Variants in ALPG observed in about 807,000 individuals in gnomAD.
ALPG encodes the protein alkaline phosphatase, germ cell type.
ALPG carries 32 observed loss-of-function variants against 48.6 expected under a neutral mutation model. The ratio of observed to expected loss-of-function variants is 0.66; its 90% CI spans 0.50 to 0.88. The LOEUF (loss-of-function observed/expected upper bound fraction) is 0.88, where lower values mean the gene tolerates loss of function less well. Ranked by LOEUF, ALPG falls within the 40% of genes least tolerant of loss-of-function variation. The probability of loss-of-function intolerance (pLI) is 0.00; values close to 1 mark genes in which losing one functional copy is unlikely to be tolerated. For synonymous variants in ALPG, 244 were observed against 308.9 expected, an observed-to-expected ratio of 0.79 and a Z score of 2.20; for missense variants, 533 against 718.1, an observed-to-expected ratio of 0.74 and a Z score of 2.95.
In ALPG at chr2:232,407,659, C is replaced by A; in HGVS notation, c.366C>A (p.Val122=). 6.2e-7 allele frequency: 1 copy of A among 1,613,960 alleles called. No individual in the cohort carries two copies. The part of the protein sequence containing the change: ...GATATAYLCG[V]KGNFQTIGLS... ...CAGCCACGGCCTACCTGTGCGGGGT[C>A]AAGGGCAACTTCCAGACCATTGGCT... Residue 122 remains valine (V), a synonymous_variant, in exon 4 of 11, where the codon GTC becomes GTA. Transcript: ENST00000295453.
chr2:232,408,415 GTGGGTGTGCT>G lies in ALPG; in HGVS notation c.783+15_783+24del. ...GCGAAGCACCAGGTGATGGGGGCTGGTGGGTGTGCTGGGCACAGCAGGGGGAGGGCAGAGG... is the reference window on the plus strand; with the variant it reads ...GCGAAGCACCAGGTGATGGGGGCTGGGGGCACAGCAGGGGGAGGGCAGAGG... On this transcript the variant is annotated intron_variant, in intron 6 of 10. Coordinates refer to ENST00000295453, the MANE Select transcript of ALPG (RefSeq NM_031313.3). The G allele has an allele frequency of 6.7e-7, 1 of 1,487,156 alleles. No individual in the cohort carries two copies. Among genetic ancestry groups the G allele is most frequent in the Non-Finnish European group, 9.3e-7 (1 of 1,079,938 alleles). The allele number at this position is 1,487,156 out of a possible 1,614,324, so 92.1% of individuals were successfully genotyped here. A position where few individuals can be genotyped will look rare whatever the true frequency, so the allele number is the denominator to read the frequency against.
intron 5 of ALPG, 22 bp from the exon 6 acceptor site, chr2:232,408,245 C>T: frequency 6.2e-7 from 1 of 1,613,032 alleles, no homozygotes. Context: ...CCAAATCCAC[C>T]TGCCCCATCC....
chr2:232,409,685 T>A lies in ALPG; in HGVS notation c.1412T>A (p.Val471Glu), dbSNP rs373170842. ...RGPQAHLVHG[V>E]QEQTFIAHVM... The stretch of plus-strand genomic sequence containing the variant: ...CCGCAGGCGCACCTGGTTCACGGCG[T>A]GCAGGAGCAGACCTTCATAGCGCAC... Residue 471 changes from valine to glutamate, a missense_variant, in exon 11 of 11, where the codon GTG becomes GAG. Transcript: ENST00000295453. The A allele has an allele frequency of 1.5e-4, 235 of 1,611,578 alleles. No individual in the cohort carries two copies. Among genetic ancestry groups the A allele is most frequent in the Non-Finnish European group, 1.9e-4 (229 of 1,179,248 alleles).
chr2:232,408,169 C>T, intron 5 of ALPG, 98 bp from the exon 6 acceptor site: 1 of 1,581,498 alleles, frequency 6.3e-7, no homozygotes, highest in Non-Finnish European at 8.6e-7. Flanking sequence ...CTGGGCCATT[C>T]CCACAGCCTT....
rs1559247816 is a variant in ALPG, at chr2:232,407,978, G to A, written c.609G>A (p.Gln203=). 1.9e-6 allele frequency: 3 copies of A among 1,612,984 alleles called. No homozygotes were observed. The highest frequency in any genetic ancestry group is 1.3e-5 in the African/African-American group (1 of 75,052). ...VPASARQEGC[Q]DIATQLISNM... is the part of the protein sequence containing the mutation. ...CCTCGGCCCGCCAGGAGGGGTGCCA[G>A]GACATCGCCACGCAGCTCATCTCCA... Residue 203 remains glutamine, a synonymous_variant, in exon 5 of 11, where the codon CAG becomes CAA. Transcript: ENST00000295453.
In ALPG at chr2:232,408,241, C is replaced by A. The variant is rs377074419; in HGVS notation, c.649-26C>A. ...CACGGGGCCAGCCAGGCCCCCAAAT[C>A]CACCTGCCCCATCCTCTGTTCCCAG... On this transcript the variant is annotated intron_variant, in intron 5 of 10. Coordinates refer to ENST00000295453, the MANE Select transcript of ALPG (RefSeq NM_031313.3). 667 of 1,612,238 alleles carry A rather than the reference C, an allele frequency of 4.1e-4. 7 individuals carry two copies. The African/African-American group carries it at 7.4e-3, about 18-fold the overall frequency.
rs1365880196 is a variant in ALPG at position 232,408,965 on chromosome 2, G to C, written c.1036G>C (p.Ala346Pro). The change falls in exon 9 of 11, where the codon GCA becomes CCA. Residue 346 changes from alanine (A) to proline (P), a missense_variant. By Grantham distance (27) the Ala-to-Pro change is conservative. Coordinates refer to ENST00000295453, the MANE Select transcript of ALPG (RefSeq NM_031313.3). The stretch of plus-strand genomic sequence containing the variant: ...TCATCATGAAAGCAGGGCTTACCGG[G>C]CACTGACTGAGACGATCATGTTCGA... ...HGHHESRAYR[A>P]LTETIMFDDA... The C allele has an allele frequency of 1.0e-6, 1 of 990,006 alleles. No homozygotes were observed. Among genetic ancestry groups the C allele is most frequent in the Non-Finnish European group, 1.5e-6 (1 of 683,018 alleles). The allele number at this position is 990,006 out of a possible 1,614,324, so 61.3% of individuals were successfully genotyped here.
Position 232,409,707 on chromosome 2 carries a change from G to T in ALPG, c.1434G>T (p.Ala478=). 2.5e-6 allele frequency: 4 copies of T among 1,611,130 alleles called. 1 individual carries two copies. In the South Asian group the frequency reaches 4.4e-5, roughly 18 times the overall value. Residue 478 remains alanine (A), a synonymous_variant, in exon 11 of 11, where the codon GCG becomes GCT. Coordinates refer to ENST00000295453, the MANE Select transcript of ALPG (RefSeq NM_031313.3). ...GCGTGCAGGAGCAGACCTTCATAGC[G>T]CACGTCATGGCCTTCGCCGCCTGCC... ...VHGVQEQTFI[A]HVMAFAACLE...
chr2:232,407,804 G>T, intron 4 of ALPG, 36 bp downstream of exon 4: 1 of 1,613,732 alleles, frequency 6.2e-7, no homozygotes, highest in Non-Finnish European at 8.5e-7. Flanking sequence ...AGGGCCAGGT[G>T]ACAGACCTCT....
Position 232,406,910 on chromosome 2 carries a change from GT to G in ALPG, c.17del (p.Val6GlyfsTer7), listed in dbSNP as rs775001703. 6.2e-7 allele frequency: 1 copy of G among 1,612,684 alleles called. No individual in the cohort carries two copies. The part of the protein sequence containing the change: MQGPW[V>X]LLLLGLRLQL... ...GCTTCCAGACATGCAGGGGCCCTGG[GT>G]GCTGCTCCTGCTGGGCCTGAGGCTA... On this transcript the variant is annotated frameshift_variant, in exon 1 of 11. Transcript: ENST00000295453. LOFTEE classifies it high-confidence loss of function.
In ALPG at chr2:232,409,984, A is replaced by C. The variant is rs1287749646; in HGVS notation, c.*112A>C. 13 of 1,419,338 alleles carry C rather than the reference A, an allele frequency of 9.2e-6. No homozygotes were observed. Among genetic ancestry groups the C allele is most frequent in the Non-Finnish European group, 1.2e-5 (13 of 1,081,242 alleles). 87.9% of individuals were successfully genotyped at this position (1,419,338 alleles called of 1,614,324 possible). A position where few individuals can be genotyped will look rare whatever the true frequency, so the allele number is the denominator to read the frequency against. On this transcript the variant is annotated 3_prime_UTR_variant, in exon 11 of 11. Coordinates refer to ENST00000295453, the MANE Select transcript of ALPG (RefSeq NM_031313.3). Reference sequence around the variant, plus strand: ...GCTGTCACCCCCGGAGTCGCCACACAGACGTCCTGCCATGGAACCTTCCCC... The same window carrying C: ...GCTGTCACCCCCGGAGTCGCCACACCGACGTCCTGCCATGGAACCTTCCCC...
chr2:232,409,840 T>C lies in ALPG; in HGVS notation c.1567T>C (p.Leu523=), dbSNP rs397839862. The part of the protein sequence containing the change: ...PALLPLLAGT[L]LLLGTATAP The stretch of plus-strand genomic sequence containing the variant: ...GTTGCTTCCTCTGCTGGCAGGGACC[T>C]TGCTGCTGCTGGGGACGGCCACTGC... The change falls in exon 11 of 11, where the codon TTG becomes CTG. Residue 523 remains leucine (L), a synonymous_variant. Transcript: ENST00000295453. The C allele has an allele frequency of 1.4e-4, 226 of 1,585,468 alleles. 1 individual carries two copies. The highest frequency in any genetic ancestry group is 1.7e-4 in the African/African-American group (13 of 74,488).
At position 232,409,415 on chromosome 2, in the gene ALPG, G is replaced by A. The variant is rs145179673; in HGVS notation, c.1267G>A (p.Gly423Ser). The A allele has an allele frequency of 2.3e-5, 35 of 1,536,800 alleles. No homozygotes were observed. The East Asian group carries it at 7.4e-4, about 33-fold the overall frequency. ...CGGTCCAGGCTATGTGCTCAAGGAC[G>A]GCGCCCGGCCGGATGTTACGGAGAG... is the stretch of plus-strand genomic sequence containing the variant. The part of the protein sequence containing the change: ...GNGPGYVLKD[G>S]ARPDVTESES... The change falls in exon 10 of 11, where the codon GGC becomes AGC. Residue 423 changes from glycine to serine, a missense_variant. Transcript: ENST00000295453.
chr2:232,408,616 A>C, intron 7 of ALPG, 43 bp downstream of exon 7: 1 of 1,521,380 alleles, frequency 6.6e-7, no homozygotes, highest in Non-Finnish European at 9.0e-7. Flanking sequence ...AGATGGCCTC[A>C]GATGGCACCT....
Position 232,407,906 on chromosome 2 carries a change from C to T in ALPG, c.537C>T (p.Tyr179=), listed in dbSNP as rs146780985. The part of the protein sequence containing the change: ...RVQHASPAGA[Y]AHTVNRNWYS... ...AGCATGCCTCGCCAGCCGGCGCCTACGCCCACACGGTGAACCGCAACTGGT... is the reference window on the plus strand; with the variant it reads ...AGCATGCCTCGCCAGCCGGCGCCTATGCCCACACGGTGAACCGCAACTGGT... Residue 179 remains tyrosine (Y), a synonymous_variant, in exon 5 of 11, where the codon TAC becomes TAT. Transcript: ENST00000295453. 8.8e-3 allele frequency: 14,139 copies of T among 1,613,484 alleles called. 123 individuals carry two copies. Among genetic ancestry groups the T allele is most frequent in the Non-Finnish European group, 9.9e-3 (11,630 of 1,180,010 alleles).
chr2:232,408,277 G>T lies in ALPG; in HGVS notation c.659G>T (p.Gly220Val). Residue 220 changes from glycine to valine, a missense_variant, in exon 6 of 11, where the codon GGT becomes GTT. By Grantham distance (109) the Gly-to-Val change is moderately radical. Transcript: ENST00000295453. ...ISNMDIDVIL[G>V]GGRKYMFPMG... ...ATCCTCTGTTCCCAGGTGATCCTAGGTGGAGGCCGAAAGTACATGTTTCCC... is the reference window on the plus strand; with the variant it reads ...ATCCTCTGTTCCCAGGTGATCCTAGTTGGAGGCCGAAAGTACATGTTTCCC... 1.2e-6 allele frequency: 2 copies of T among 1,613,738 alleles called. No homozygotes were observed. Among genetic ancestry groups the T allele is most frequent in the Non-Finnish European group, 1.7e-6 (2 of 1,179,900 alleles).
chr2:232,407,249 C>G (rs1295286484), intron 2 of ALPG, 37 bp from the exon 3 acceptor site: 1 of 1,613,914 alleles, frequency 6.2e-7, no homozygotes, highest in Non-Finnish European at 8.5e-7. Flanking sequence ...CCAGGACAGC[C>G]CTGGGGAGCA....
intron 4 of ALPG, 30 bp from the exon 5 acceptor site, chr2:232,407,815 A>G: frequency 6.2e-7 from 1 of 1,613,692 alleles, no homozygotes; most frequent in Non-Finnish European, 8.5e-7. Context: ...ACAGACCTCT[A>G]TCGCATATCC....
rs762254753 is a variant in ALPG, at chr2:232,407,601, G to A, written c.308G>A (p.Ser103Asn). 4.6e-5 allele frequency: 74 copies of A among 1,613,618 alleles called. 1 individual carries two copies. In the Middle Eastern group the frequency reaches 1.2e-3, roughly 25 times the overall value. The change falls in exon 4 of 11, where the codon AGT (serine) becomes AAT (asparagine). Residue 103 changes from serine (S) to asparagine (N), a missense_variant. Transcript: ENST00000295453. ...GAGTGTCTCTGTCCCCAGACATACA[G>A]TGTAGACAAGCATGTGCCAGACAGT... ...FPYVALSKTY[S>N]VDKHVPDSGA...
Sources: gnomAD v4.1 joint callset for allele counts on GRCh38, gnomAD v4.1.1 for gene constraint, MANE v1.5 for transcripts, NCBI Gene and HGNC (gene_info 2026-07-23, HGNC 2026-07-21) for gene names.